Variants in KDM4B observed in about 807,000 individuals in gnomAD.
KDM4B encodes the protein lysine demethylase 4B, also known as lysine-specific demethylase 4B.
A neutral mutation model predicts 125.2 loss-of-function variants in KDM4B; 32 were observed. The observed-to-expected ratio is 0.26, with a 90% CI of 0.19 to 0.34. KDM4B has a LOEUF of 0.34. Among genes scored for constraint, KDM4B ranks in the 10% least tolerant of loss-of-function variants. The pLI, the probability that KDM4B is intolerant of heterozygous loss-of-function variation, is 1.00. For missense variants in KDM4B, 1,190 were observed against 1,577.7 expected (o/e 0.75, Z 4.16); for synonymous variants, 721 against 677.9 (o/e 1.06, Z -0.99).
chr19:5,124,363 A>G (rs995429675), intron 11 of KDM4B, among the ~76,000 whole-genome samples: 3 of 152,072 alleles, frequency 2.0e-5, no homozygotes, highest in Admixed American at 6.5e-5. Flanking sequence ...GCAGCGAGGA[A>G]AGTGGCCCAG....
chr19:5,029,541 A>G (rs2036385608), intron 2 of KDM4B, among the ~76,000 whole-genome samples: 1 of 152,250 alleles, frequency 6.6e-6, no homozygotes, highest in Non-Finnish European at 1.5e-5. Context: ...CCAAAGGCAC[A>G]AATGGCTGGG....
rs987682346 is a variant in KDM4B, at chr19:5,081,332, G to A, written c.781-1035G>A. 3.3e-5 allele frequency among the ~76,000 whole-genome samples: 5 copies of A among 152,140 alleles called. No homozygotes were observed. Among genetic ancestry groups the A allele is most frequent in the Non-Finnish European group, 7.3e-5 (5 of 68,034 alleles). On this transcript the variant is annotated intron_variant, in intron 8 of 22. Coordinates refer to ENST00000159111, the MANE Select transcript of KDM4B (RefSeq NM_015015.3). This position sits in a 1 kb window ranked among gnomAD's most constrained non-coding sequence, Gnocchi z 4.2. Reference sequence around the variant, plus strand: ...TTGTTGTTGATCTTTCTGGATGGTCGTCTTTCAAAGGCTTTATCAACGGGC... The same window carrying A: ...TTGTTGTTGATCTTTCTGGATGGTCATCTTTCAAAGGCTTTATCAACGGGC...
intron 9 of KDM4B, among the ~76,000 whole-genome samples, chr19:5,107,411 C>T (rs1289535802): frequency 1.3e-5 from 2 of 152,232 alleles, no homozygotes; most frequent in East Asian, 3.8e-4. Flanking sequence ...CGGGCGGGGC[C>T]TGTTCCCTCC....
At chr19:5,104,910 G>A (rs2039005903) in intron 9 of KDM4B, among the ~76,000 whole-genome samples, 1 of 152,186 alleles carries the variant, frequency 6.6e-6, no homozygotes, top group Non-Finnish European at 1.5e-5. Flanking sequence ...TGAGTGTCTG[G>A]GCTCATTAAG....
rs1453349640 is a variant in KDM4B at position 5,115,169 on chromosome 19, A to G, written c.1115+4351A>G. 3.9e-5 allele frequency among the ~76,000 whole-genome samples: 6 copies of G among 152,184 alleles called. No homozygotes were observed. Among genetic ancestry groups the G allele is most frequent in the Admixed American group, 6.5e-5 (1 of 15,290 alleles). The stretch of plus-strand genomic sequence containing the variant: ...GCTGGGCTGCACCATGGGGCCACAG[A>G]AAGACACAGTGGGCAGACATGGGCA... On this transcript the variant is annotated intron_variant, in intron 10 of 22. Coordinates refer to ENST00000159111, the MANE Select transcript of KDM4B (RefSeq NM_015015.3). This position sits in a 1 kb window ranked among gnomAD's most constrained non-coding sequence, Gnocchi z 4.2.
intron 14 of KDM4B, 67 bp from the exon 15 acceptor site, chr19:5,135,272 G>T: frequency 8.9e-7 from 1 of 1,120,240 alleles, no homozygotes. Context: ...CCTGAGAGAG[G>T]TCCGCGCCGC....
At chr19:5,120,547 G>C (rs568290505) in intron 11 of KDM4B, among the ~76,000 whole-genome samples, 2 of 152,162 alleles carry the variant, frequency 1.3e-5, no homozygotes, top group Admixed American at 1.3e-4. Context: ...AGTTGTGAAC[G>C]GGGTGCGGGG....
At chr19:5,079,363 G>T (rs193190634) in intron 8 of KDM4B, among the ~76,000 whole-genome samples, 1 of 152,214 alleles carries the variant, frequency 6.6e-6, no homozygotes, top group East Asian at 1.9e-4. Context: ...GACAGACACC[G>T]TGAGTGTGGA....
In KDM4B at chr19:5,035,880, T is replaced by TGTGTGTGCGC. The variant is rs58219404; in HGVS notation, c.141+2850_141+2851insTGTGTGCGCG. Among the ~76,000 whole-genome samples, 1,757 of 136,402 alleles carry TGTGTGTGCGC rather than the reference T, an allele frequency of 0.013. 11 individuals are homozygous for TGTGTGTGCGC. Among genetic ancestry groups the TGTGTGTGCGC allele is most frequent in the Non-Finnish European group, 0.015 (937 of 62,290 alleles). 89.5% of individuals were successfully genotyped at this position (136,402 alleles called of 152,430 possible). A position where few individuals can be genotyped will look rare whatever the true frequency, so the allele number is the denominator to read the frequency against. On this transcript the variant is annotated intron_variant, in intron 3 of 22. Transcript: ENST00000159111. This position sits in a 1 kb window ranked among gnomAD's most constrained non-coding sequence, Gnocchi z 5.3. ...ACGTGTCTCTGTGTGTGTGTGTGTG[T>TGTGTGTGCGC]GCGCGCGCGCGCGCGCCTGCGCGCA...
In KDM4B at chr19:5,143,959, A is replaced by G; in HGVS notation, c.2551-8A>G. 1 of 1,572,920 alleles carries G rather than the reference A, an allele frequency of 6.4e-7. No homozygotes were observed. Among genetic ancestry groups the G allele is most frequent in the Non-Finnish European group, 8.7e-7 (1 of 1,150,692 alleles). On this transcript the variant is annotated splice_region_variant and splice_polypyrimidine_tract_variant and intron_variant, in intron 18 of 22. Transcript: ENST00000159111. ...GCCCCATGCCCCTGCCTGTGTCCCC[A>G]TCCCCAGAAATGCGTGTACTGCCGG...
chr19:5,053,251 T>C (rs929979093), intron 6 of KDM4B, among the ~76,000 whole-genome samples: 4 of 152,188 alleles, frequency 2.6e-5, no homozygotes, highest in Admixed American at 1.3e-4. Flanking sequence ...CAGGGCTGCA[T>C]TGGCAGCTCA....
intron 18 of KDM4B, 43 bp downstream of exon 18, chr19:5,138,113 G>T: frequency 6.7e-7 from 1 of 1,497,632 alleles, no homozygotes; most frequent in Non-Finnish European, 9.2e-7. Flanking sequence ...GTGCCTCTAG[G>T]GCTGCCGGCC....
At position 4,977,944 on chromosome 19, in the gene KDM4B, T is replaced by C. The variant is rs144531618; in HGVS notation, c.-109+8714T>C. Among the ~76,000 whole-genome samples the C allele has an allele frequency of 2.6e-5, 4 of 152,316 alleles. No individual in the cohort carries two copies. The East Asian group carries it at 7.7e-4, about 29-fold the overall frequency. On this transcript the variant is annotated intron_variant, in intron 1 of 22. Coordinates refer to ENST00000159111, the MANE Select transcript of KDM4B (RefSeq NM_015015.3). Reference sequence around the variant, plus strand: ...GACCGGGACAGTCGCGTCATGTTGCTGTTGTCCCCTTCCTGCAGCATCTCC... The same window carrying C: ...GACCGGGACAGTCGCGTCATGTTGCCGTTGTCCCCTTCCTGCAGCATCTCC...
chr19:5,135,561 A>G lies in KDM4B; in HGVS notation c.2308A>G (p.Ser770Gly). The G allele has an allele frequency of 6.3e-7, 1 of 1,590,480 alleles. No individual in the cohort carries two copies. The highest frequency in any genetic ancestry group is 8.5e-7 in the Non-Finnish European group (1 of 1,170,792). Residue 770 changes from serine to glycine, a missense_variant and splice_region_variant, in exon 15 of 23, where the codon AGT (serine) becomes GGT (glycine). By Grantham distance (56) the Ser-to-Gly change is moderately conservative. Around this residue, in one of 7 missense-constraint regions of KDM4B, gnomAD observed 298 missense variants for 439.7 expected, o/e 0.68. Coordinates refer to ENST00000159111, the MANE Select transcript of KDM4B (RefSeq NM_015015.3). Reference protein sequence around the residue: ...CGKCCLQVHASCYGIRPELVN... With the variant: ...CGKCCLQVHAGCYGIRPELVN... The stretch of plus-strand genomic sequence containing the variant: ...CAAGTGCTGCCTGCAGGTCCATGCC[A>G]GTGAGTGCCACTGTGGGGCCCAGAG...
chr19:5,143,865 G>A (rs542232433), intron 18 of KDM4B, 102 bp from the exon 19 acceptor site: 5 of 950,822 alleles, frequency 5.3e-6, no homozygotes, highest in South Asian at 3.2e-5. Context: ...CCACTCCCGC[G>A]ATGCCTCCCT....
At chr19:5,151,311 C>G in intron 22 of KDM4B, 24 bp from the exon 23 acceptor site, 2 of 1,495,520 alleles carry the variant, frequency 1.3e-6, no homozygotes, top group Non-Finnish European at 1.8e-6. Context: ...CCGTGCTAAC[C>G]ACTGTGCTTC....
rs764675744 is a variant in KDM4B at position 5,077,377 on chromosome 19, C to A, written c.687C>A (p.Pro229=). 6.2e-7 allele frequency: 1 copy of A among 1,612,824 alleles called. No individual in the cohort carries two copies. Among genetic ancestry groups the A allele is most frequent in the Non-Finnish European group, 8.5e-7 (1 of 1,179,884 alleles). The change falls in exon 8 of 23, where the codon CCC becomes CCA. Residue 229 remains proline, a synonymous_variant. Transcript: ENST00000159111. ...RLERLAIGFF[P]GSSQGCDAFL... ...TCTTTTCGGCCCTAGGCTTCTTCCC[C>A]GGGAGCTCGCAGGGCTGCGACGCCT...
At chr19:5,054,461 AATGTGTGT>A (rs1438989146) in intron 6 of KDM4B, among the ~76,000 whole-genome samples, 1 of 87,812 alleles carries the variant, frequency 1.1e-5, no homozygotes, top group East Asian at 3.3e-4. Context: ...AGAGAGAGAG[AATGTGTGT>A]GTGTGTGTGT....
At chr19:5,049,398 C>T (rs759012813) in intron 6 of KDM4B, among the ~76,000 whole-genome samples, 3 of 151,382 alleles carry the variant, frequency 2.0e-5, no homozygotes, top group Non-Finnish European at 4.4e-5. Context: ...ACAGCTGGGG[C>T]GGGGCAGCGT....
Sources: allele counts gnomAD v4.1 joint callset (sites outside exome capture counted in the v4.1 genomes callset), GRCh38; gene constraint gnomAD v4.1.1; regional missense constraint gnomAD v4.1.1; non-coding constraint Gnocchi (gnomAD v3.1); transcripts MANE v1.5; gene names NCBI Gene and HGNC (gene_info 2026-07-23, HGNC 2026-07-21).